The following UXS1 variants were observed in gnomAD, a reference collection of about 807,000 sequenced individuals.
UXS1 encodes the protein UDP-glucuronate decarboxylase 1.
A neutral mutation model predicts 62.6 loss-of-function variants in UXS1; 33 were observed. The ratio of observed to expected loss-of-function variants is 0.53; its 90% confidence interval spans 0.40 to 0.70. The LOEUF (loss-of-function observed/expected upper bound fraction) is 0.70. Among genes scored for constraint, UXS1 ranks in the 30% least tolerant of loss-of-function variants. UXS1 has a pLI of 0.00. For synonymous variants in UXS1, 213 were observed against 206.8 expected (o/e 1.03, Z -0.26); for missense variants, 434 against 556.3 (o/e 0.78, Z 2.21).
At position 106,095,675 on chromosome 2, in the gene UXS1, C is replaced by T. The variant is rs149915075; in HGVS notation, c.1146+1043G>A. On this transcript the variant is annotated intron_variant, in intron 14 of 14. Transcript: ENST00000283148. ...CACAGGGCTACACTACACGCCTCTG[C>T]CCGAGGGGAGCCCGAATTTCAGTGG... Among the ~76,000 whole-genome samples, 1,333 of 152,306 alleles carry T rather than the reference C, an allele frequency of 8.8e-3. 20 individuals carry two copies. Among genetic ancestry groups the T allele is most frequent in the African/African-American group, 0.03 (1,255 of 41,564 alleles).
chr2:106,123,098 T>C lies in UXS1; in HGVS notation c.638-7A>G, dbSNP rs755881784. On this transcript the variant is annotated splice_polypyrimidine_tract_variant and splice_region_variant and intron_variant, in intron 8 of 14. Transcript: ENST00000283148. ...TGAGGGTGGACTTCAGGATCTACGA[T>C]GGGAGAAAAGTGAGACTGTTTTCAT... is the stretch of plus-strand genomic sequence containing the variant. The C allele has an allele frequency of 6.2e-7, 1 of 1,613,686 alleles. No homozygotes were observed. The highest frequency in any genetic ancestry group is 8.5e-7 in the Non-Finnish European group (1 of 1,179,700).
At chr2:106,141,781 C>A (rs1681117707) in intron 6 of UXS1, among the ~76,000 whole-genome samples, 1 of 151,568 alleles carries the variant, frequency 6.6e-6, no homozygotes, top group Admixed American at 6.6e-5. Flanking sequence ...AATAATTGAA[C>A]CATATAACCA....
chr2:106,128,580 G>T (rs1450302212), intron 7 of UXS1, among the ~76,000 whole-genome samples: 1 of 152,142 alleles, frequency 6.6e-6, no homozygotes, highest in African/African-American at 2.4e-5. Context: ...ACATCGATCT[G>T]CCCTCGGCTC....
intron 6 of UXS1, chr2:106,138,257 T>C (rs1218283094): frequency 1.0e-6 from 1 of 985,374 alleles, no homozygotes; most frequent in Non-Finnish European, 1.2e-6. Flanking sequence ...TGGGAAACCT[T>C]CTCACCATCC....
chr2:106,183,653 A>C (rs1684385760), intron 1 of UXS1: 1 of 152,240 alleles, frequency 6.6e-6, no homozygotes, highest in African/African-American at 2.4e-5. Flanking sequence ...TCCTGCCTGG[A>C]AGGAGTCCCT....
chr2:106,180,057 C>T (rs548539560), intron 1 of UXS1, among the ~76,000 whole-genome samples: 2 of 151,914 alleles, frequency 1.3e-5, no homozygotes, highest in African/African-American at 2.4e-5. Flanking sequence ...TGCAGTGAGC[C>T]GAGATCACAC....
intron 9 of UXS1, among the ~76,000 whole-genome samples, chr2:106,122,415 T>G (rs1679596154): frequency 6.6e-6 from 1 of 152,038 alleles, no homozygotes; most frequent in Non-Finnish European, 1.5e-5. Flanking sequence ...AATCTTGGAG[T>G]CACACAGCAG....
intron 5 of UXS1, among the ~76,000 whole-genome samples, chr2:106,147,957 G>A (rs1422306648): frequency 6.6e-6 from 1 of 152,184 alleles, no homozygotes; most frequent in Non-Finnish European, 1.5e-5. Context: ...GTTAAGACAG[G>A]ATGGGTGAGA....
chr2:106,171,488 G>C (rs1268901886), intron 1 of UXS1, among the ~76,000 whole-genome samples: 1 of 152,122 alleles, frequency 6.6e-6, no homozygotes, highest in Non-Finnish European at 1.5e-5. Context: ...AGGTCTCAAG[G>C]TCCTCCAATG....
intron 1 of UXS1, among the ~76,000 whole-genome samples, chr2:106,193,265 G>A (rs534869506): frequency 6.6e-6 from 1 of 152,260 alleles, no homozygotes; most frequent in African/African-American, 2.4e-5. Context: ...GTGTCTGGGT[G>A]GCTAGCATTC....
intron 1 of UXS1, among the ~76,000 whole-genome samples, chr2:106,193,436 TCCTGC>T (rs1685059630): frequency 6.6e-6 from 1 of 151,864 alleles, no homozygotes; most frequent in Admixed American, 6.6e-5. Flanking sequence ...GAAGTGCCCC[TCCTGC>T]CCTGTCTCCA....
intron 1 of UXS1, among the ~76,000 whole-genome samples, chr2:106,192,368 C>T (rs1253368199): frequency 1.3e-5 from 2 of 152,184 alleles, no homozygotes; most frequent in African/African-American, 4.8e-5. Context: ...TCCTGGCTAA[C>T]ATGGTGAAAC....
At chr2:106,125,963 A>C (rs1409896114) in intron 7 of UXS1, among the ~76,000 whole-genome samples, 1 of 152,222 alleles carries the variant, frequency 6.6e-6, no homozygotes. Flanking sequence ...AGTTTCGTGA[A>C]GACTCCTCTG....
intron 9 of UXS1, among the ~76,000 whole-genome samples, chr2:106,117,717 A>G (rs1679170074): frequency 6.6e-6 from 1 of 152,200 alleles, no homozygotes; most frequent in South Asian, 2.1e-4. Context: ...CGCTTCTCTC[A>G]GAGAAGTATA....
intron 1 of UXS1, among the ~76,000 whole-genome samples, chr2:106,176,342 G>A (rs1683878531): frequency 6.6e-6 from 1 of 152,236 alleles, no homozygotes; most frequent in Non-Finnish European, 1.5e-5. Flanking sequence ...TGAAATGTTT[G>A]CTTAAAGCAG....
intron 7 of UXS1, 53 bp from the exon 8 acceptor site, chr2:106,125,732 AT>A: frequency 6.8e-7 from 1 of 1,477,972 alleles, no homozygotes; most frequent in Non-Finnish European, 9.1e-7. Flanking sequence ...GTGCAGGCAC[AT>A]TTTTTGCTGG....
chr2:106,124,061 G>A (rs1458730029), intron 8 of UXS1, among the ~76,000 whole-genome samples: 1 of 152,202 alleles, frequency 6.6e-6, no homozygotes, highest in Admixed American at 6.5e-5. Flanking sequence ...AAAGGTCTAT[G>A]TATCTGCTGC....
intron 10 of UXS1, among the ~76,000 whole-genome samples, chr2:106,112,259 C>T (rs1425905994): frequency 6.6e-6 from 1 of 152,250 alleles, no homozygotes; most frequent in East Asian, 1.9e-4. Flanking sequence ...CCAGCCTGAC[C>T]AGATGTGGCT....
chr2:106,182,942 A>G (rs1181033075), intron 1 of UXS1, among the ~76,000 whole-genome samples: 1 of 152,168 alleles, frequency 6.6e-6, no homozygotes, highest in African/African-American at 2.4e-5. Flanking sequence ...TTTTTTAAAT[A>G]ATTAGGATGC....
Sources: allele counts gnomAD v4.1 joint callset (sites outside exome capture counted in the v4.1 genomes callset), GRCh38; gene constraint gnomAD v4.1.1; transcripts MANE v1.5; gene names NCBI Gene and HGNC (gene_info 2026-07-23, HGNC 2026-07-21).